PDE8B: variants seen among roughly 807,000 people sequenced by gnomAD.
PDE8B encodes the protein phosphodiesterase 8B.
In PDE8B, 26 loss-of-function variants were observed where a neutral mutation model predicts 101.3. The observed-to-expected ratio is 0.26, with a 90% CI of 0.19 to 0.36. The LOEUF is 0.36. Among genes scored for constraint, PDE8B ranks in the 10% least tolerant of loss-of-function variants. The probability of loss-of-function intolerance (pLI) is 1.00; values close to 1 mark genes in which losing one functional copy is unlikely to be tolerated. For missense variants in PDE8B, 810 were observed against 1,163.1 expected (o/e 0.70, Z 4.42); for synonymous variants, 424 against 429.3 (o/e 0.99, Z 0.15).
the PDE8B span, among the ~76,000 whole-genome samples, chr5:77,157,739 C>T: frequency 6.6e-6 from 1 of 152,222 alleles, no homozygotes; most frequent in Non-Finnish European, 1.5e-5. Context: ...TATGAAACCT[C>T]AGTTCCCCAC....
the PDE8B span, among the ~76,000 whole-genome samples, chr5:77,093,712 G>C: frequency 1.3e-5 from 2 of 152,102 alleles, no homozygotes; most frequent in African/African-American, 4.8e-5. Flanking sequence ...CACCTTGTAG[G>C]AAACAGATGC....
intron 16 of PDE8B, among the ~76,000 whole-genome samples, chr5:77,412,666 AT>A: frequency 6.6e-6 from 1 of 151,952 alleles, no homozygotes; most frequent in Non-Finnish European, 1.5e-5. Context: ...GGTCTGTTGG[AT>A]ATGAAAGATT....
chr5:77,156,856 T>TG, the PDE8B span, among the ~76,000 whole-genome samples: 4 of 152,080 alleles, frequency 2.6e-5, no homozygotes, highest in Admixed American at 1.3e-4. Flanking sequence ...CAGTGTCAGC[T>TG]GGCTGCTGGC....
the PDE8B span, among the ~76,000 whole-genome samples, chr5:77,091,382 G>A: frequency 5.3e-5 from 8 of 152,366 alleles, no homozygotes; most frequent in East Asian, 1.5e-3. Context: ...GCTCACGCCT[G>A]TAATCCCAGC....
At chr5:77,381,552 T>C (rs2150800896) in intron 10 of PDE8B, among the ~76,000 whole-genome samples, 1 of 152,320 alleles carries the variant, frequency 6.6e-6, no homozygotes, top group East Asian at 1.9e-4. Flanking sequence ...TTTGTTATTG[T>C]ACTGATCCTG....
the PDE8B span, among the ~76,000 whole-genome samples, chr5:77,175,623 A>C: frequency 1.3e-5 from 2 of 152,174 alleles, no homozygotes; most frequent in Non-Finnish European, 2.9e-5. Context: ...TTTTCTTGTT[A>C]ATTGTCTCTC....
At chr5:77,319,477 A>G (rs1232537047) in intron 2 of PDE8B, among the ~76,000 whole-genome samples, 1 of 152,236 alleles carries the variant, frequency 6.6e-6, no homozygotes, top group African/African-American at 2.4e-5. Context: ...GATCATTGAA[A>G]GAGGGAATGA....
At chr5:77,309,943 CTTTTTTTTTTTT>C (rs955296324) in intron 1 of PDE8B, among the ~76,000 whole-genome samples, 1 of 114,152 alleles carries the variant, frequency 8.8e-6, no homozygotes, top group African/African-American at 3.3e-5. Flanking sequence ...AATCATTAAT[CTTTTTTTTTTTT>C]TTTTTTTTTT....
chr5:77,113,094 A>G, the PDE8B span: 1 of 152,226 alleles, frequency 6.6e-6, no homozygotes, highest in African/African-American at 2.4e-5. Context: ...ATACTGCCCA[A>G]GGTAATTTAT....
At position 77,331,405 on chromosome 5, in the gene PDE8B, G is replaced by T; in HGVS notation, c.654G>T (p.Ser218=). Residue 218 remains serine (S), a synonymous_variant, in exon 5 of 22, where the codon TCG becomes TCT. Coordinates refer to ENST00000264917, the MANE Select transcript of PDE8B (RefSeq NM_003719.5). Reference sequence around the variant, plus strand: ...CACATTTTCTGCTTTGCTGCAGATCGGATGACCATGAAGAGGCGTCAGTCC... The same window carrying T: ...CACATTTTCTGCTTTGCTGCAGATCTGATGACCATGAAGAGGCGTCAGTCC... The part of the protein sequence containing the change: ...TVILAVVSRV[S]DDHEEASVLP... 1 of 1,613,634 alleles carries T rather than the reference G, an allele frequency of 6.2e-7. No individual in the cohort carries two copies. The highest frequency in any genetic ancestry group is 1.1e-5 in the South Asian group (1 of 91,070).
At chr5:77,421,705 C>T in intron 19 of PDE8B, 116 bp from the exon 20 acceptor site, 1 of 924,488 alleles carries the variant, frequency 1.1e-6, no homozygotes, top group Non-Finnish European at 1.7e-6. Flanking sequence ...GCTGCCTTCG[C>T]CGAGTCCCAG....
intron 1 of PDE8B, among the ~76,000 whole-genome samples, chr5:77,236,225 G>A (rs986334263): frequency 6.6e-6 from 1 of 152,242 alleles, no homozygotes; most frequent in Non-Finnish European, 1.5e-5. Flanking sequence ...GTGTTTTTGG[G>A]ATGGAATAAG....
intron 11 of PDE8B, 150 bp from the exon 12 acceptor site, chr5:77,404,570 A>T (rs1263079835): frequency 3.2e-6 from 2 of 617,440 alleles, no homozygotes; most frequent in Non-Finnish European, 5.7e-6. Flanking sequence ...TGATTTGAAA[A>T]GAAAGTGGTT....
At chr5:77,150,875 C>G in the PDE8B span, among the ~76,000 whole-genome samples, 1 of 152,204 alleles carries the variant, frequency 6.6e-6, no homozygotes, top group Non-Finnish European at 1.5e-5. Flanking sequence ...AGGTCCAAAG[C>G]TAACAGGTAT....
chr5:77,316,902 G>A (rs946859223), intron 2 of PDE8B, among the ~76,000 whole-genome samples: 3 of 152,180 alleles, frequency 2.0e-5, no homozygotes, highest in African/African-American at 7.2e-5. Flanking sequence ...AAGTGGTAAA[G>A]AGTACCTCTT....
the PDE8B span, chr5:77,180,327 C>G: frequency 2.1e-6 from 1 of 483,224 alleles, no homozygotes; most frequent in Non-Finnish European, 2.7e-6. Context: ...GCAACCAGAG[C>G]CTTCACGTGG....
At chr5:77,326,708 G>A (rs1331900189) in intron 3 of PDE8B, among the ~76,000 whole-genome samples, 1 of 152,006 alleles carries the variant, frequency 6.6e-6, no homozygotes, top group African/African-American at 2.4e-5. Context: ...ATATCTGGAT[G>A]CTATTTTTAG....
At chr5:77,186,408 A>G in the PDE8B span, among the ~76,000 whole-genome samples, 2 of 152,182 alleles carry the variant, frequency 1.3e-5, no homozygotes, top group Non-Finnish European at 2.9e-5. Flanking sequence ...TGATTTGGAA[A>G]AGCAGCATTT....
chr5:77,266,306 T>C lies in PDE8B; in HGVS notation c.340-45688T>C, dbSNP rs143511597. Among the ~76,000 whole-genome samples the C allele has an allele frequency of 2.3e-3, 344 of 152,354 alleles. 2 individuals carry two copies. Among genetic ancestry groups the C allele is most frequent in the African/African-American group, 7.9e-3 (330 of 41,572 alleles). ...AAGGGGATGTTCTGCCTTCCTATTT[T>C]AGCTCTAATACTATAAATGTGTCCT... On this transcript the variant is annotated intron_variant, in intron 1 of 21. Coordinates refer to ENST00000264917, the MANE Select transcript of PDE8B (RefSeq NM_003719.5).
Sources: allele counts gnomAD v4.1 joint callset (sites outside exome capture counted in the v4.1 genomes callset), GRCh38; gene constraint gnomAD v4.1.1; transcripts MANE v1.5; gene names NCBI Gene and HGNC (gene_info 2026-07-23, HGNC 2026-07-21).